Variants in AKT3 observed in about 807,000 individuals in gnomAD.
AKT3 encodes the protein RAC-gamma serine/threonine-protein kinase.
A neutral mutation model predicts 65.3 loss-of-function variants in AKT3; 15 were observed. The observed-to-expected ratio is 0.23, with a 90% CI of 0.15 to 0.35. The LOEUF is 0.35. Ranked by LOEUF, AKT3 falls within the 10% of genes least tolerant of loss-of-function variation. The pLI is 1.00. For missense variants in AKT3, 243 were observed against 576.5 expected (o/e 0.42, Z 5.92); for synonymous variants, 206 against 183.8 (o/e 1.12, Z -0.98).
chr1:243,724,482 A>T (rs992620053), intron 2 of AKT3, among the ~76,000 whole-genome samples: 1 of 152,202 alleles, frequency 6.6e-6, no homozygotes, highest in African/African-American at 2.4e-5. Context: ...TGCAAAAGTA[A>T]GGAATTTTTT....
chr1:243,602,460 A>T (rs1326991132), intron 8 of AKT3, among the ~76,000 whole-genome samples: 2 of 152,198 alleles, frequency 1.3e-5, no homozygotes, highest in Non-Finnish European at 2.9e-5. Context: ...AATTTTAAAA[A>T]TCATCACTAT....
At chr1:243,743,444 AG>A (rs1425178201) in intron 2 of AKT3, among the ~76,000 whole-genome samples, 1 of 152,258 alleles carries the variant, frequency 6.6e-6, no homozygotes, top group Non-Finnish European at 1.5e-5. Flanking sequence ...AACACTCAGA[AG>A]GTAGCATTTG....
At chr1:243,846,696 C>T (rs1354447605) in intron 1 of AKT3, among the ~76,000 whole-genome samples, 2 of 152,128 alleles carry the variant, frequency 1.3e-5, no homozygotes, top group Non-Finnish European at 2.9e-5. Context: ...AGTCAATACA[C>T]TTTTATTAAC....
At chr1:243,843,381 G>T in intron 1 of AKT3, 99 bp from the exon 2 acceptor site, 1 of 1,205,318 alleles carries the variant, frequency 8.3e-7, no homozygotes, top group Non-Finnish European at 1.1e-6. Context: ...CAACTGGCCT[G>T]ACCTCACATA....
intron 2 of AKT3, among the ~76,000 whole-genome samples, chr1:243,729,066 G>A (rs1687389227): frequency 6.6e-6 from 1 of 152,172 alleles, no homozygotes; most frequent in Non-Finnish European, 1.5e-5. Flanking sequence ...TGTTCACGCG[G>A]ATGTCAATGA....
At chr1:243,498,752 T>C (rs9428577), downstream of AKT3, among the ~76,000 whole-genome samples, 8,848 of 152,322 alleles carry the variant, frequency 0.058, 842 homozygotes, top group African/African-American at 0.2. Context: ...ATTAGGTTGA[T>C]AGAGTCCTCC....
intron 2 of AKT3, among the ~76,000 whole-genome samples, chr1:243,801,464 G>T (rs1317273048): frequency 6.6e-6 from 1 of 152,102 alleles, no homozygotes; most frequent in Non-Finnish European, 1.5e-5. Flanking sequence ...TTTAAAGACG[G>T]TAATAAAAAT....
chr1:243,668,436 T>G (rs1682945678), intron 3 of AKT3, among the ~76,000 whole-genome samples: 1 of 152,164 alleles, frequency 6.6e-6, no homozygotes, highest in South Asian at 2.1e-4. Context: ...TTCTCACTGC[T>G]TCTGTTTTTT....
intron 13 of AKT3, among the ~76,000 whole-genome samples, chr1:243,509,872 A>G (rs1672750690): frequency 6.6e-6 from 1 of 152,112 alleles, no homozygotes; most frequent in South Asian, 2.1e-4. Flanking sequence ...CCAGGGGACA[A>G]AGTGACCGGC....
chr1:243,758,366 C>T (rs528445385), intron 2 of AKT3, among the ~76,000 whole-genome samples: 3 of 152,172 alleles, frequency 2.0e-5, no homozygotes, highest in African/African-American at 7.2e-5. Context: ...TGTGAGGAAG[C>T]TCGATATAGA....
At chr1:243,696,920 T>C (rs1273250489) in intron 2 of AKT3, among the ~76,000 whole-genome samples, 1 of 152,108 alleles carries the variant, frequency 6.6e-6, no homozygotes, top group Non-Finnish European at 1.5e-5. Context: ...TACTGCTTAC[T>C]GTAAAGTCCA....
At chr1:243,519,288 T>C (rs777313171) in intron 12 of AKT3, among the ~76,000 whole-genome samples, 6 of 152,152 alleles carry the variant, frequency 3.9e-5, no homozygotes, top group Admixed American at 1.3e-4. Flanking sequence ...GCCAAAACCA[T>C]TGCACCCAGA....
At chr1:243,830,366 G>A (rs183653559) in intron 2 of AKT3, among the ~76,000 whole-genome samples, 3 of 152,244 alleles carry the variant, frequency 2.0e-5, no homozygotes, top group Admixed American at 6.5e-5. Context: ...CCAACCCCCC[G>A]TGGATACTGG....
chr1:243,598,186 T>A (rs2148568047), intron 8 of AKT3, among the ~76,000 whole-genome samples: 1 of 152,234 alleles, frequency 6.6e-6, no homozygotes, highest in East Asian at 1.9e-4. Flanking sequence ...AAAATAAAAT[T>A]AAATTCAGAA....
intron 2 of AKT3, among the ~76,000 whole-genome samples, chr1:243,769,981 T>A (rs1286876869): frequency 6.6e-6 from 1 of 152,228 alleles, no homozygotes. Flanking sequence ...CATTAATTTT[T>A]ACACATGGTG....
intron 12 of AKT3, among the ~76,000 whole-genome samples, chr1:243,537,080 T>C (rs1428718506): frequency 6.6e-6 from 1 of 152,088 alleles, no homozygotes; most frequent in Non-Finnish European, 1.5e-5. Context: ...CTCAGGAAAG[T>C]TCCACTTCAA....
At chr1:243,557,854 T>A (rs563605451) in intron 10 of AKT3, among the ~76,000 whole-genome samples, 1 of 151,964 alleles carries the variant, frequency 6.6e-6, no homozygotes, top group South Asian at 2.1e-4. Context: ...TATCAATAAG[T>A]AAATAAAATG....
At chr1:243,531,479 T>A (rs1399521748) in intron 12 of AKT3, among the ~76,000 whole-genome samples, 2 of 152,326 alleles carry the variant, frequency 1.3e-5, no homozygotes, top group East Asian at 3.9e-4. Context: ...CAAGTTTTTA[T>A]AGTTTTCTCC....
intron 3 of AKT3, 32 bp from the exon 4 acceptor site, chr1:243,664,915 TGG>T: frequency 7.9e-7 from 1 of 1,269,430 alleles, no homozygotes; most frequent in Non-Finnish European, 1.1e-6. Flanking sequence ...TCTTTAAATA[TGG>T]ATATATTTAA....
Sources: gnomAD v4.1 joint callset for allele counts (sites outside exome capture counted in the v4.1 genomes callset) on GRCh38, gnomAD v4.1.1 for gene constraint, MANE v1.5 for transcripts, NCBI Gene and HGNC (gene_info 2026-07-23, HGNC 2026-07-21) for gene names.